The following UNC5D variants were observed in gnomAD, a reference collection of about 807,000 sequenced individuals.
UNC5D encodes netrin receptor UNC5D.
UNC5D carries 39 observed loss-of-function variants against 105.4 expected under a neutral mutation model. The ratio of observed to expected loss-of-function variants is 0.37; its 90% CI spans 0.29 to 0.48. UNC5D has a LOEUF of 0.48. Among genes scored for constraint, UNC5D ranks in the 20% least tolerant of loss-of-function variants. The pLI, the probability that UNC5D is intolerant of heterozygous loss-of-function variation, is 0.98. For synonymous variants in UNC5D, 452 were observed against 450.4 expected, an observed-to-expected ratio of 1.00 and a Z score of -0.04; for missense variants, 991 against 1,202.4, an observed-to-expected ratio of 0.82 and a Z score of 2.60.
intron 4 of UNC5D, among the ~76,000 whole-genome samples, chr8:35,660,778 T>G (rs1298087648): frequency 6.6e-6 from 1 of 152,170 alleles, no homozygotes; most frequent in African/African-American, 2.4e-5. Flanking sequence ...GACAACCACC[T>G]ACTGCCCAAT....
chr8:35,356,421 A>G (rs1036210239), intron 1 of UNC5D, among the ~76,000 whole-genome samples: 1 of 152,098 alleles, frequency 6.6e-6, no homozygotes, highest in Admixed American at 6.5e-5. Context: ...TGTTGTCACC[A>G]GTTGGAACAC....
At chr8:35,461,325 T>G (rs888813115) in intron 1 of UNC5D, among the ~76,000 whole-genome samples, 2 of 152,178 alleles carry the variant, frequency 1.3e-5, no homozygotes, top group African/African-American at 4.8e-5. Flanking sequence ...GCTTTATATC[T>G]TACGTGTCTA....
At chr8:35,408,282 A>G (rs758655321) in intron 1 of UNC5D, among the ~76,000 whole-genome samples, 1 of 151,794 alleles carries the variant, frequency 6.6e-6, no homozygotes, top group Non-Finnish European at 1.5e-5. Context: ...TCCTTTTTTT[A>G]TAATTATGCT....
chr8:35,365,833 A>G (rs2128921530), intron 1 of UNC5D, among the ~76,000 whole-genome samples: 1 of 152,260 alleles, frequency 6.6e-6, no homozygotes, highest in Middle Eastern at 3.4e-3. Context: ...CATCTTATTA[A>G]GAAAAATAAT....
At chr8:35,684,476 C>A in intron 5 of UNC5D, 106 bp from the exon 6 acceptor site, 1 of 1,382,756 alleles carries the variant, frequency 7.2e-7, no homozygotes, top group Non-Finnish European at 9.8e-7. Context: ...GTCTCTCGGT[C>A]CCTGGATGCC....
chr8:35,362,038 C>A (rs1042728692), intron 1 of UNC5D, among the ~76,000 whole-genome samples: 1 of 152,008 alleles, frequency 6.6e-6, no homozygotes, highest in Non-Finnish European at 1.5e-5. Context: ...TCAGTAATAT[C>A]TTTGATTTGA....
At position 35,314,227 on chromosome 8, in the gene UNC5D, G is replaced by A. The variant is rs146411113; in HGVS notation, c.103+78340G>A. ...AAGTGTTACTGGATTGTTGGTATAA[G>A]AGATGCTTTATCTGAGTATATGGGT... On this transcript the variant is annotated intron_variant, in intron 1 of 16. Transcript: ENST00000404895. Among the ~76,000 whole-genome samples the A allele has an allele frequency of 3.2e-3, 484 of 152,280 alleles. 2 individuals are homozygous for A. The highest frequency in any genetic ancestry group is 0.011 in the African/African-American group (459 of 41,564).
At chr8:35,312,534 A>T (rs1057231619) in intron 1 of UNC5D, among the ~76,000 whole-genome samples, 1 of 152,170 alleles carries the variant, frequency 6.6e-6, no homozygotes, top group African/African-American at 2.4e-5. Flanking sequence ...TGTGACTAAG[A>T]ATTATTAGGT....
intron 4 of UNC5D, among the ~76,000 whole-genome samples, chr8:35,608,116 AATGTCTGGGGACTGCT>A (rs1204290054): frequency 4.9e-4 from 75 of 152,202 alleles, no homozygotes; most frequent in Non-Finnish European, 1.5e-4. Context: ...AATCAACATG[AATGTCTGGGGACTGCT>A]ATTTAGCCCA....
chr8:35,640,476 CT>C (rs1440960228), intron 4 of UNC5D, among the ~76,000 whole-genome samples: 1 of 152,100 alleles, frequency 6.6e-6, no homozygotes, highest in Non-Finnish European at 1.5e-5. Context: ...GTTACGTAGA[CT>C]GGGTATCTCA....
At chr8:35,372,005 C>A (rs1342949113) in intron 1 of UNC5D, among the ~76,000 whole-genome samples, 1 of 152,154 alleles carries the variant, frequency 6.6e-6, no homozygotes, top group Non-Finnish European at 1.5e-5. Context: ...TTGATCTTAG[C>A]CTCTGATCTG....
intron 1 of UNC5D, among the ~76,000 whole-genome samples, chr8:35,283,360 A>T (rs184873675): frequency 1.8e-3 from 269 of 152,302 alleles, no homozygotes; most frequent in Middle Eastern, 3.4e-3. Flanking sequence ...TATATCTGTG[A>T]TGGAAGGTGA....
chr8:35,560,726 G>T (rs1174218103), intron 2 of UNC5D, among the ~76,000 whole-genome samples: 1 of 152,162 alleles, frequency 6.6e-6, no homozygotes, highest in Non-Finnish European at 1.5e-5. Context: ...GGATGGTAAT[G>T]TCACTTGTGG....
chr8:35,734,525 C>T (rs1829362313), intron 11 of UNC5D, among the ~76,000 whole-genome samples: 1 of 151,972 alleles, frequency 6.6e-6, no homozygotes, highest in South Asian at 2.1e-4. Flanking sequence ...ATTCTCCTGC[C>T]TCAGCCTACC....
rs1168756351 is a variant in UNC5D at position 35,249,025 on chromosome 8, G to T, written c.103+13138G>T. Among the ~76,000 whole-genome samples the T allele has an allele frequency of 7.6e-4, 25 of 32,852 alleles. 1 individual carries two copies. Among genetic ancestry groups the T allele is most frequent in the East Asian group, 0.013 (2 of 156 alleles). The allele number at this position is 32,852 out of a possible 152,430, so 21.6% of individuals were successfully genotyped here. ...AACATATATAATATATATTATATAT[G>T]TTTATATAATATATATTATATAAAA... On this transcript the variant is annotated intron_variant, in intron 1 of 16. Coordinates refer to ENST00000404895, the MANE Select transcript of UNC5D (RefSeq NM_080872.4).
chr8:35,392,260 C>G (rs1803823983), intron 1 of UNC5D, among the ~76,000 whole-genome samples: 1 of 152,194 alleles, frequency 6.6e-6, no homozygotes, highest in Admixed American at 6.5e-5. Flanking sequence ...GGCTGGAATG[C>G]AGTGGCACCA....
At chr8:35,597,153 C>T (rs1819540244) in intron 4 of UNC5D, among the ~76,000 whole-genome samples, 1 of 152,162 alleles carries the variant, frequency 6.6e-6, no homozygotes, top group Admixed American at 6.5e-5. Flanking sequence ...CACATACTTG[C>T]ATATTTAGAA....
At chr8:35,744,105 G>A (rs1377597227) in intron 11 of UNC5D, among the ~76,000 whole-genome samples, 1 of 152,198 alleles carries the variant, frequency 6.6e-6, no homozygotes, top group Non-Finnish European at 1.5e-5. Flanking sequence ...GAAGAGTGCA[G>A]GTGAGTTATT....
chr8:35,619,147 A>G (rs1421690151), intron 4 of UNC5D, among the ~76,000 whole-genome samples: 1 of 152,248 alleles, frequency 6.6e-6, no homozygotes, highest in Non-Finnish European at 1.5e-5. Flanking sequence ...ATAAGCATCT[A>G]AAGTAGAGTG....
Sources: allele counts gnomAD v4.1 joint callset (sites outside exome capture counted in the v4.1 genomes callset), GRCh38; gene constraint gnomAD v4.1.1; transcripts MANE v1.5; gene names NCBI Gene and HGNC (gene_info 2026-07-23, HGNC 2026-07-21).